Variants in TAF3 observed in about 807,000 individuals in gnomAD.
TAF3 encodes the protein TATA-box binding protein associated factor 3.
TAF3 carries 7 observed loss-of-function variants against 80.6 expected under a neutral mutation model. The observed-to-expected ratio is 0.09, with a 90% CI of 0.05 to 0.16. TAF3 has a LOEUF of 0.16. Ranked by LOEUF, TAF3 falls within the 10% of genes least tolerant of loss-of-function variation. The probability of loss-of-function intolerance (pLI) is 1.00; values close to 1 mark genes in which losing one functional copy is unlikely to be tolerated. For missense variants in TAF3, 921 were observed against 1,140.2 expected (o/e 0.81, Z 2.77); for synonymous variants, 444 against 446.1 (o/e 1.00, Z 0.06).
rs78872128 is a variant in TAF3, at chr10:7,924,383, T to C, written c.410-39537T>C. On this transcript the variant is annotated intron_variant, in intron 2 of 6. Coordinates refer to ENST00000344293, the MANE Select transcript of TAF3 (RefSeq NM_031923.4). ...AGTATGGGCTTTTTGTTCTGTAATG[T>C]AGCTGTTTTGACTTAGTAAGTGTCT... Among the ~76,000 whole-genome samples the C allele has an allele frequency of 4.3e-3, 652 of 152,336 alleles. 5 individuals carry two copies. Among genetic ancestry groups the C allele is most frequent in the African/African-American group, 0.015 (624 of 41,578 alleles).
intron 6 of TAF3, 119 bp downstream of exon 6, chr10:8,013,956 A>T: frequency 1.3e-6 from 1 of 752,800 alleles, no homozygotes; most frequent in Non-Finnish European, 2.2e-6. Flanking sequence ...TCCTAGGGAC[A>T]GTACATGGAG....
At chr10:7,994,949 G>A (rs1226696120) in intron 4 of TAF3, among the ~76,000 whole-genome samples, 1 of 132,290 alleles carries the variant, frequency 7.6e-6, no homozygotes. Flanking sequence ...CACTCCAGGC[G>A]ACAGAGCAAG....
intron 2 of TAF3, among the ~76,000 whole-genome samples, chr10:7,841,677 A>G (rs1252968111): frequency 6.6e-6 from 1 of 152,102 alleles, no homozygotes; most frequent in Non-Finnish European, 1.5e-5. Context: ...AATTTGGGAG[A>G]TATTGGATGG....
intron 2 of TAF3, among the ~76,000 whole-genome samples, chr10:7,896,104 T>G (rs939423046): frequency 6.6e-6 from 1 of 152,218 alleles, no homozygotes; most frequent in Non-Finnish European, 1.5e-5. Flanking sequence ...TTGCTGCTGA[T>G]AGGTCCCTGG....
At chr10:7,822,221 GA>G (rs1456631263) in intron 1 of TAF3, among the ~76,000 whole-genome samples, 2 of 146,370 alleles carry the variant, frequency 1.4e-5, no homozygotes, top group African/African-American at 2.5e-5. Context: ...AGAGAGAAAG[GA>G]AAAAAATCTG....
intron 3 of TAF3, among the ~76,000 whole-genome samples, chr10:7,969,989 T>C (rs554108433): frequency 6.3e-4 from 96 of 152,366 alleles, no homozygotes; most frequent in African/African-American, 2.3e-3. Context: ...AGTAGTTTCA[T>C]ACCTTCTCGA....
intron 2 of TAF3, among the ~76,000 whole-genome samples, chr10:7,878,602 A>G (rs1430004595): frequency 1.3e-5 from 2 of 152,168 alleles, no homozygotes; most frequent in African/African-American, 4.8e-5. Flanking sequence ...AATCAGCTAT[A>G]TTGGAAGGGA....
intron 2 of TAF3, among the ~76,000 whole-genome samples, chr10:7,838,511 A>G (rs1350417491): frequency 6.6e-6 from 1 of 152,046 alleles, no homozygotes; most frequent in Non-Finnish European, 1.5e-5. Context: ...CCTTCCAAGT[A>G]GCTGAAATTA....
chr10:7,967,530 G>A (rs1831585314), intron 3 of TAF3, among the ~76,000 whole-genome samples: 2 of 152,116 alleles, frequency 1.3e-5, no homozygotes, highest in Non-Finnish European at 2.9e-5. Flanking sequence ...CAGTTTTGCT[G>A]GGCTATGGAG....
Position 7,965,065 on chromosome 10 carries a change from G to T in TAF3, c.1555G>T (p.Val519Leu). The T allele has an allele frequency of 1.2e-6, 2 of 1,613,952 alleles. No individual in the cohort carries two copies. The highest frequency in any genetic ancestry group is 1.7e-6 in the Non-Finnish European group (2 of 1,180,040). Residue 519 changes from valine to leucine, a missense_variant, in exon 3 of 7, where the codon GTG (valine) becomes TTG (leucine). Val to Leu is a conservative substitution (Grantham distance 32, BLOSUM62 1). Coordinates refer to ENST00000344293, the MANE Select transcript of TAF3 (RefSeq NM_031923.4). ...YEEKTKLPSS[V>L]EVKKKLKKEL... is the part of the protein sequence containing the mutation. ...GGAGAAAACCAAGCTGCCTTCCTCC[G>T]TGGAGGTAAAGAAGAAGTTGAAAAA...
intron 2 of TAF3, among the ~76,000 whole-genome samples, chr10:7,854,043 C>T (rs766464458): frequency 1.3e-5 from 2 of 152,222 alleles, no homozygotes; most frequent in Non-Finnish European, 2.9e-5. Flanking sequence ...CACAATCATT[C>T]GCCCCACTCA....
intron 4 of TAF3, among the ~76,000 whole-genome samples, chr10:8,001,509 T>C (rs1372229645): frequency 6.6e-6 from 1 of 152,228 alleles, no homozygotes; most frequent in Non-Finnish European, 1.5e-5. Context: ...GCTTTATTGT[T>C]GCAAGTAGTT....
intron 2 of TAF3, among the ~76,000 whole-genome samples, chr10:7,959,299 C>A (rs927952329): frequency 1.3e-5 from 2 of 151,992 alleles, no homozygotes; most frequent in Admixed American, 6.5e-5. Context: ...AATAAGAAAC[C>A]TTTGTTTGTT....
intron 2 of TAF3, among the ~76,000 whole-genome samples, chr10:7,917,833 G>A (rs930349375): frequency 6.6e-6 from 1 of 152,200 alleles, no homozygotes; most frequent in African/African-American, 2.4e-5. Context: ...ATGGACCATT[G>A]GATTTGGCAA....
chr10:8,003,539 C>CAT (rs1231801650), intron 4 of TAF3, among the ~76,000 whole-genome samples: 1 of 152,096 alleles, frequency 6.6e-6, no homozygotes, highest in Admixed American at 6.6e-5. Flanking sequence ...TAGTGCTAAA[C>CAT]AGAGCAATAA....
At chr10:7,958,365 C>T (rs1451716473) in intron 2 of TAF3, among the ~76,000 whole-genome samples, 8 of 151,982 alleles carry the variant, frequency 5.3e-5, no homozygotes, top group African/African-American at 1.2e-4. Context: ...TCACTCAAGT[C>T]GAAAACTTTT....
chr10:7,898,545 C>CAAAAAAA (rs35137273), intron 2 of TAF3, among the ~76,000 whole-genome samples: 2 of 96,204 alleles, frequency 2.1e-5, no homozygotes, highest in Non-Finnish European at 4.1e-5. Flanking sequence ...GACTCTGTCT[C>CAAAAAAA]AAAAAAAAAA....
At position 7,964,625 on chromosome 10, in the gene TAF3, A is replaced by G. The variant is rs1564372674; in HGVS notation, c.1115A>G (p.Asn372Ser). 2 of 1,614,184 alleles carry G rather than the reference A, an allele frequency of 1.2e-6. No individual in the cohort carries two copies. The highest frequency in any genetic ancestry group is 2.2e-5 in the East Asian group (1 of 44,878). Residue 372 changes from asparagine to serine, a missense_variant, in exon 3 of 7, where the codon AAC becomes AGC. Asn to Ser is a conservative substitution (Grantham distance 46). This residue lies in a region of TAF3 where 743 missense variants were observed against 821.0 expected (regional missense o/e 0.90). Transcript: ENST00000344293. The surrounding 1 kb of genome is among the most constrained non-coding windows in gnomAD (Gnocchi z 4.1). ...ACACCCCCTGATGCTGGGAAACTGA[A>G]CAGTGAGAATCAGCCGAAAAAGGCT... ...IQTPPDAGKLNSENQPKKAVV... is the reference protein window; with the variant it reads ...IQTPPDAGKLSSENQPKKAVV...
chr10:7,939,577 TACACACACAC>T (rs71385681), intron 2 of TAF3, among the ~76,000 whole-genome samples: 1,525 of 139,288 alleles, frequency 0.011, 18 homozygotes, highest in East Asian at 0.048. Context: ...AGAAGAAAAC[TACACACACAC>T]ACACACACAC....
Sources: gnomAD v4.1 joint callset for allele counts (sites outside exome capture counted in the v4.1 genomes callset) on GRCh38, gnomAD v4.1.1 for gene constraint, gnomAD v4.1.1 regional missense constraint, Gnocchi (gnomAD v3.1) non-coding constraint, MANE v1.5 for transcripts, NCBI Gene and HGNC (gene_info 2026-07-23, HGNC 2026-07-21) for gene names.